Variants in DNAH11 observed in about 807,000 individuals in gnomAD.
DNAH11 encodes dynein axonemal heavy chain 11.
In DNAH11, 442 loss-of-function variants were observed where a neutral mutation model predicts 526.0. That is an observed-to-expected ratio of 0.84 (90% CI 0.78 to 0.91). DNAH11 has a LOEUF of 0.91. DNAH11 is among the 40% of genes least tolerant of loss of function. DNAH11 has a pLI of 0.00. For missense variants in DNAH11, 6,989 were observed against 5,448.7 expected (o/e 1.28, Z -8.90); for synonymous variants, 2,461 against 1,935.9 (o/e 1.27, Z -7.12).
chr7:21,567,646 T>G (rs1404692472), intron 6 of DNAH11, among the ~76,000 whole-genome samples: 4 of 152,148 alleles, frequency 2.6e-5, no homozygotes, highest in Non-Finnish European at 5.9e-5. Context: ...ACCATGACCT[T>G]CACTGTTCAC....
chr7:21,546,278 C>T (rs1782802202), intron 2 of DNAH11, among the ~76,000 whole-genome samples: 2 of 152,140 alleles, frequency 1.3e-5, no homozygotes, highest in Admixed American at 6.6e-5. Flanking sequence ...ACTCCTGTAC[C>T]CTGCCTGGGT....
chr7:21,601,575 G>T lies in DNAH11; in HGVS notation c.3605G>T (p.Ser1202Ile). Residue 1202 changes from serine to isoleucine, a missense_variant, in exon 18 of 82, where the codon AGC (serine) becomes ATC (isoleucine). Coordinates refer to ENST00000409508, the MANE Select transcript of DNAH11 (RefSeq NM_001277115.2). ...AAAGAAACGATCACCCTCTTGGAAA[G>T]CTATGGCCAGAAGATGCCTGAGCAG... ...PLKETITLLE[S>I]YGQKMPEQVY... The T allele has an allele frequency of 6.2e-7, 1 of 1,605,278 alleles. No homozygotes were observed. Among genetic ancestry groups the T allele is most frequent in the Non-Finnish European group, 8.5e-7 (1 of 1,173,132 alleles).
chr7:21,645,853 T>C (rs1033618664), intron 28 of DNAH11, among the ~76,000 whole-genome samples: 1 of 152,074 alleles, frequency 6.6e-6, no homozygotes, highest in Non-Finnish European at 1.5e-5. Context: ...ATATACAACA[T>C]GTGAGGAAGG....
chr7:21,597,786 A>G (rs938515640), intron 14 of DNAH11, among the ~76,000 whole-genome samples: 42 of 152,214 alleles, frequency 2.8e-4, no homozygotes, highest in African/African-American at 9.9e-4. Flanking sequence ...TAATATCTTT[A>G]AGATGAGGAG....
chr7:21,776,312 A>G (rs1474890247), intron 56 of DNAH11, among the ~76,000 whole-genome samples: 1 of 152,238 alleles, frequency 6.6e-6, no homozygotes, highest in African/African-American at 2.4e-5. Context: ...TGCTCTTACT[A>G]TCAAAAAAGT....
intron 28 of DNAH11, among the ~76,000 whole-genome samples, chr7:21,650,261 A>G (rs1012722607): frequency 1.3e-5 from 2 of 152,204 alleles, no homozygotes; most frequent in African/African-American, 2.4e-5. Flanking sequence ...AAAATATTAT[A>G]CTGTGATTTT....
intron 79 of DNAH11, among the ~76,000 whole-genome samples, chr7:21,896,823 G>A (rs1323609430): frequency 6.6e-6 from 1 of 152,116 alleles, no homozygotes; most frequent in Non-Finnish European, 1.5e-5. Context: ...CTTTGGGAGG[G>A]CAAGGCAGGA....
intron 62 of DNAH11, among the ~76,000 whole-genome samples, chr7:21,804,692 T>C (rs141449750): frequency 6.6e-6 from 1 of 152,158 alleles, no homozygotes; most frequent in African/African-American, 2.4e-5. Flanking sequence ...CACTTCTCAT[T>C]CTCTTCACCT....
At chr7:21,701,438 C>T (rs1204186315) in intron 36 of DNAH11, among the ~76,000 whole-genome samples, 2 of 152,070 alleles carry the variant, frequency 1.3e-5, no homozygotes, top group Non-Finnish European at 2.9e-5. Flanking sequence ...TCTAGGCGTG[C>T]ACCATCACGC....
At chr7:21,699,977 G>T (rs952630744) in intron 36 of DNAH11, among the ~76,000 whole-genome samples, 1 of 152,148 alleles carries the variant, frequency 6.6e-6, no homozygotes, top group Non-Finnish European at 1.5e-5. Context: ...AGAATGAAAA[G>T]ATTATCAGAG....
chr7:21,565,786 G>A (rs768427797), intron 6 of DNAH11, among the ~76,000 whole-genome samples: 10 of 152,052 alleles, frequency 6.6e-5, no homozygotes, highest in African/African-American at 2.4e-4. Context: ...GTGTTTAATC[G>A]AGGCTCAGTA....
At position 21,615,178 on chromosome 7, in the gene DNAH11, T is replaced by C; in HGVS notation, c.3917T>C (p.Phe1306Ser). Reference sequence around the variant, plus strand: ...CAGATGCAAGAATCTACTCGTCTTTTTGAAGTGGCTCTTCCAGAGTACAAA... The same window carrying C: ...CAGATGCAAGAATCTACTCGTCTTTCTGAAGTGGCTCTTCCAGAGTACAAA... ...MLQMQESTRL[F>S]EVALPEYKQM... Residue 1306 changes from phenylalanine to serine, a missense_variant, in exon 21 of 82, where the codon TTT becomes TCT. Phe to Ser is a radical substitution (Grantham distance 155, BLOSUM62 -2). Coordinates refer to ENST00000409508, the MANE Select transcript of DNAH11 (RefSeq NM_001277115.2). 6.2e-7 allele frequency: 1 copy of C among 1,613,236 alleles called. No homozygotes were observed. Among genetic ancestry groups the C allele is most frequent in the Non-Finnish European group, 8.5e-7 (1 of 1,179,520 alleles).
chr7:21,726,499 T>C (rs1319827082), intron 45 of DNAH11, among the ~76,000 whole-genome samples: 3 of 151,742 alleles, frequency 2.0e-5, no homozygotes, highest in Non-Finnish European at 4.4e-5. Flanking sequence ...GCCTGATGAA[T>C]AAGTTATTGT....
At position 21,787,669 on chromosome 7, in the gene DNAH11, A is replaced by C. The variant is rs1262388056; in HGVS notation, c.9924+86A>C. 5 of 1,225,780 alleles carry C rather than the reference A, an allele frequency of 4.1e-6. No homozygotes were observed. The African/African-American group carries it at 7.6e-5, about 19-fold the overall frequency. 75.9% of individuals were successfully genotyped at this position (1,225,780 alleles called of 1,614,324 possible). On this transcript the variant is annotated intron_variant, in intron 60 of 81. Transcript: ENST00000409508. The stretch of plus-strand genomic sequence containing the variant: ...TTTCTAGGTCAGCGAGAAGAGTAAA[A>C]TTTGTTATTTCATTTTCTGAATAAG...
Position 21,635,628 on chromosome 7 carries a change from TGAG to T in DNAH11, c.4501-239_4501-237del, listed in dbSNP as rs139467332. On this transcript the variant is annotated intron_variant, in intron 25 of 81. Transcript: ENST00000409508. The stretch of plus-strand genomic sequence containing the variant: ...GCAGGGCCTTCTTGAGAAAGACATA[TGAG>T]GAGATAACAGTTGCATATATTTATC... Among the ~76,000 whole-genome samples the T allele has an allele frequency of 0.23, 35,365 of 151,900 alleles. 5,552 individuals are homozygous for T. The highest frequency in any genetic ancestry group is 0.42 in the African/African-American group (17,388 of 41,318).
rs769753532 is a variant in DNAH11, at chr7:21,786,772, C to G, written c.9741+5C>G. ...GCTAAAGTCTTCATGGGAAAGGTAT[C>G]AGCCCAGCCTGGCAAGATGAAAATC... On this transcript the variant is annotated splice_donor_5th_base_variant and intron_variant, in intron 59 of 81. Coordinates refer to ENST00000409508, the MANE Select transcript of DNAH11 (RefSeq NM_001277115.2). 2 of 1,613,696 alleles carry G rather than the reference C, an allele frequency of 1.2e-6. No homozygotes were observed. The highest frequency in any genetic ancestry group is 1.7e-5 in the Admixed American group (1 of 60,030).
chr7:21,880,839 A>G lies in DNAH11; in HGVS notation c.12333A>G (p.Gly4111=), dbSNP rs2128042289. 6.2e-7 allele frequency: 1 copy of G among 1,613,796 alleles called. No individual in the cohort carries two copies. The highest frequency in any genetic ancestry group is 1.3e-5 in the African/African-American group (1 of 75,042). ...GWSRSYPFNP[G]DLTICASVLY... Reference sequence around the variant, plus strand: ...GCCGAAGCTATCCTTTTAATCCTGGAGACCTCACCATTTGTGCCAGTGTCC... The same window carrying G: ...GCCGAAGCTATCCTTTTAATCCTGGGGACCTCACCATTTGTGCCAGTGTCC... Residue 4111 remains glycine (G), a synonymous_variant, in exon 75 of 82, where the codon GGA becomes GGG. Transcript: ENST00000409508.
intron 79 of DNAH11, 45 bp from the exon 80 acceptor site, chr7:21,899,291 A>T (rs763386721): frequency 6.6e-7 from 1 of 1,513,034 alleles, no homozygotes; most frequent in South Asian, 1.1e-5. Flanking sequence ...GAAAATGGCT[A>T]TTTTACTGAA....
At chr7:21,836,518 G>C (rs1343504377) in intron 65 of DNAH11, among the ~76,000 whole-genome samples, 1 of 152,082 alleles carries the variant, frequency 6.6e-6, no homozygotes, top group East Asian at 1.9e-4. Context: ...TCAATAAATG[G>C]TGCTGGAAAA....
Sources: allele counts gnomAD v4.1 joint callset (sites outside exome capture counted in the v4.1 genomes callset), GRCh38; gene constraint gnomAD v4.1.1; transcripts MANE v1.5; gene names NCBI Gene and HGNC (gene_info 2026-07-23, HGNC 2026-07-21).